The following SFMBT1 variants were observed in gnomAD, a reference collection of about 807,000 sequenced individuals.
SFMBT1 encodes the protein scm-like with four MBT domains protein 1.
In SFMBT1, 32 loss-of-function variants were observed where a neutral mutation model predicts 108.7. The observed-to-expected ratio is 0.29, with a 90% CI of 0.22 to 0.40. SFMBT1 has a LOEUF of 0.40. SFMBT1 is among the 10% of genes least tolerant of loss of function. The pLI, the probability that SFMBT1 is intolerant of heterozygous loss-of-function variation, is 1.00. For missense variants in SFMBT1, 816 were observed against 1,059.6 expected (o/e 0.77, Z 3.19); for synonymous variants, 348 against 369.5 (o/e 0.94, Z 0.67).
intron 1 of SFMBT1, among the ~76,000 whole-genome samples, chr3:53,033,166 CTT>C (rs900622138): frequency 1.4e-5 from 2 of 144,218 alleles, no homozygotes. Flanking sequence ...ATAAAATTTG[CTT>C]TTTTTTTTTT....
At chr3:53,026,501 G>A (rs370347161) in intron 1 of SFMBT1, among the ~76,000 whole-genome samples, 2 of 150,722 alleles carry the variant, frequency 1.3e-5, no homozygotes, top group Admixed American at 1.3e-4. Context: ...ACTCAACAGA[G>A]AATACAAAGT....
chr3:53,030,683 C>CAAAAAAAAAAAA (rs10668462), intron 1 of SFMBT1, among the ~76,000 whole-genome samples: 3 of 82,754 alleles, frequency 3.6e-5, no homozygotes, highest in African/African-American at 1.2e-4. Flanking sequence ...GGCCATAATG[C>CAAAAAAAAAAAA]AAAAAAAAAA....
At chr3:52,954,902 T>TC (rs1703730566) in intron 2 of SFMBT1, among the ~76,000 whole-genome samples, 1 of 151,908 alleles carries the variant, frequency 6.6e-6, no homozygotes, top group Non-Finnish European at 1.5e-5. Context: ...TCCCTTTTTC[T>TC]CCATACCTTA....
intron 1 of SFMBT1, among the ~76,000 whole-genome samples, chr3:53,027,851 T>C (rs994451493): frequency 6.6e-6 from 1 of 152,204 alleles, no homozygotes; most frequent in Non-Finnish European, 1.5e-5. Context: ...CTTTAACCCA[T>C]TTATGCTGGA....
At chr3:53,036,382 AC>A (rs1381763691) in intron 1 of SFMBT1, among the ~76,000 whole-genome samples, 1 of 152,196 alleles carries the variant, frequency 6.6e-6, no homozygotes, top group African/African-American at 2.4e-5. Context: ...ACACTTGAAA[AC>A]CAAGGAGTCA....
In SFMBT1 at chr3:52,903,870, T is replaced by C. The variant is rs1702004890; in HGVS notation, c.*1266A>G. ...ACTTGAGCTGGGCTAAAAGACACAC[T>C]TAAAAGAATACTGAGTTGTTTAAAT... On this transcript the variant is annotated 3_prime_UTR_variant, in exon 21 of 21. Coordinates refer to ENST00000394752, the MANE Select transcript of SFMBT1 (RefSeq NM_016329.4). 6.6e-6 allele frequency: 1 copy of C among 152,184 alleles called. No homozygotes were observed. The highest frequency in any genetic ancestry group is 2.1e-4 in the South Asian group (1 of 4,822). 9.4% of individuals were successfully genotyped at this position (152,184 alleles called of 1,614,324 possible). A position where few individuals can be genotyped will look rare whatever the true frequency, so the allele number is the denominator to read the frequency against.
intron 2 of SFMBT1, among the ~76,000 whole-genome samples, chr3:52,959,968 C>A (rs563015706): frequency 6.6e-6 from 1 of 152,044 alleles, no homozygotes; most frequent in African/African-American, 2.4e-5. Flanking sequence ...CCATACTCCA[C>A]ATGACCACAA....
intron 1 of SFMBT1, among the ~76,000 whole-genome samples, chr3:53,024,673 C>T (rs530965544): frequency 2.4e-4 from 36 of 152,202 alleles, no homozygotes; most frequent in Non-Finnish European, 4.1e-4. Flanking sequence ...GACCAATGTG[C>T]TAGCACTACT....
At chr3:53,042,506 AT>A (rs1179917715) in intron 1 of SFMBT1, among the ~76,000 whole-genome samples, 2 of 152,088 alleles carry the variant, frequency 1.3e-5, no homozygotes, top group East Asian at 3.9e-4. Flanking sequence ...CGCCTGGCTA[AT>A]TTTTTTATTT....
chr3:53,044,053 G>A (rs894464470), intron 1 of SFMBT1, among the ~76,000 whole-genome samples: 1 of 152,200 alleles, frequency 6.6e-6, no homozygotes, highest in Non-Finnish European at 1.5e-5. Context: ...AAAAGTCATT[G>A]AATTGTACCC....
intron 3 of SFMBT1, among the ~76,000 whole-genome samples, chr3:52,947,007 A>T (rs998013270): frequency 6.6e-6 from 1 of 152,034 alleles, no homozygotes; most frequent in Non-Finnish European, 1.5e-5. Flanking sequence ...CTGGGCCTCA[A>T]GCGATCCACC....
intron 1 of SFMBT1, among the ~76,000 whole-genome samples, chr3:53,020,923 T>C (rs907603370): frequency 1.3e-5 from 2 of 152,056 alleles, no homozygotes; most frequent in Non-Finnish European, 2.9e-5. Flanking sequence ...CCAGGCATGG[T>C]GGTGCGTCCC....
Position 52,950,506 on chromosome 3 carries a change from G to A in SFMBT1, c.123+3811C>T, listed in dbSNP as rs148705308. ...TGTTTGTGTTTTGAGATGGAGTCTC[G>A]CTCTGTTGCCCAGGCTGGAGTGCAA... On this transcript the variant is annotated intron_variant, in intron 3 of 20. Transcript: ENST00000394752. Among the ~76,000 whole-genome samples, 1,374 of 152,012 alleles carry A rather than the reference G, an allele frequency of 9.0e-3. 17 individuals carry two copies. The highest frequency in any genetic ancestry group is 0.031 in the African/African-American group (1,283 of 41,482).
In SFMBT1 at chr3:52,994,394, C is replaced by A. The variant is rs1353241062; in HGVS notation, c.-130-25136G>T. 2.0e-5 allele frequency among the ~76,000 whole-genome samples: 3 copies of A among 150,344 alleles called. 1 individual carries two copies. The East Asian group carries it at 5.8e-4, about 29-fold the overall frequency. On this transcript the variant is annotated intron_variant, in intron 1 of 20. Transcript: ENST00000394752. The stretch of plus-strand genomic sequence containing the variant: ...AAGAGACAACCTGAAACATCATGTG[C>A]CTCTTAATGGAAGAACACAACACCA...
chr3:52,951,996 T>C (rs36051354), intron 3 of SFMBT1, among the ~76,000 whole-genome samples: 45,389 of 152,146 alleles, frequency 0.3, 7,151 homozygotes, highest in East Asian at 0.48. Flanking sequence ...TTAAGAGAGA[T>C]ATAAATGAAC....
intron 17 of SFMBT1, among the ~76,000 whole-genome samples, chr3:52,907,960 G>C (rs1349048814): frequency 6.6e-6 from 1 of 151,948 alleles, no homozygotes; most frequent in South Asian, 2.1e-4. Flanking sequence ...AGCTCCCATG[G>C]TCCCTTCCCA....
chr3:52,928,639 T>TATATACATATATATAC (rs1559514069), intron 8 of SFMBT1: 9 of 17,958 alleles, frequency 5.0e-4, no homozygotes, highest in Admixed American at 3.4e-3. Context: ...TATATATACA[T>TATATACATATATATAC]ATATATATAT....
At chr3:53,028,054 C>A (rs934238727) in intron 1 of SFMBT1, among the ~76,000 whole-genome samples, 8 of 152,160 alleles carry the variant, frequency 5.3e-5, no homozygotes, top group Non-Finnish European at 1.2e-4. Context: ...ACTTGATTAA[C>A]CCTAATTGCC....
At chr3:52,934,333 C>CTA (rs1702941629) in intron 5 of SFMBT1, among the ~76,000 whole-genome samples, 1 of 150,256 alleles carries the variant, frequency 6.7e-6, no homozygotes, top group Non-Finnish European at 1.5e-5. Flanking sequence ...ATCAAGAGAT[C>CTA]TATATTCACT....
Sources: gnomAD v4.1 joint callset for allele counts (sites outside exome capture counted in the v4.1 genomes callset) on GRCh38, gnomAD v4.1.1 for gene constraint, MANE v1.5 for transcripts, NCBI Gene and HGNC (gene_info 2026-07-23, HGNC 2026-07-21) for gene names.